PRMT8: variants seen among roughly 807,000 people sequenced by gnomAD.
The protein encoded by PRMT8 is protein arginine N-methyltransferase 8.
In PRMT8, 7 loss-of-function variants were observed where a neutral mutation model predicts 47.1. That is an observed-to-expected ratio of 0.15 (90% CI 0.08 to 0.28). The LOEUF (loss-of-function observed/expected upper bound fraction) is 0.28, where lower values mean the gene tolerates loss of function less well. Among genes scored for constraint, PRMT8 ranks in the 10% least tolerant of loss-of-function variants. The pLI is 1.00. For missense variants in PRMT8, 237 were observed against 505.4 expected (o/e 0.47, Z 5.09); for synonymous variants, 188 against 186.5 (o/e 1.01, Z -0.07).
chr12:3,535,168 C>T lies in PRMT8; in HGVS notation c.76-5438C>T, dbSNP rs149768740. On this transcript the variant is annotated intron_variant, in intron 1 of 9. Transcript: ENST00000382622. The surrounding 1 kb of genome is among the most constrained non-coding windows in gnomAD (Gnocchi z 4.7). Reference sequence around the variant, plus strand: ...GACCCACCCTTCAAGGACGAGCTCACAAGCTCACATGCCCCTTCTTCAGGA... The same window carrying T: ...GACCCACCCTTCAAGGACGAGCTCATAAGCTCACATGCCCCTTCTTCAGGA... 9.5e-4 allele frequency among the ~76,000 whole-genome samples: 145 copies of T among 152,318 alleles called. No individual in the cohort carries two copies. The highest frequency in any genetic ancestry group is 3.4e-3 in the African/African-American group (142 of 41,562).
At chr12:3,458,677 T>A (rs1865002708) in intron 1 of PRMT8, among the ~76,000 whole-genome samples, 1 of 152,216 alleles carries the variant, frequency 6.6e-6, no homozygotes, top group South Asian at 2.1e-4. Flanking sequence ...TGACCTTTCT[T>A]AATGAAATCA....
intron 1 of PRMT8, among the ~76,000 whole-genome samples, chr12:3,404,913 T>C (rs936460129): frequency 1.8e-4 from 27 of 152,220 alleles, no homozygotes; most frequent in Non-Finnish European, 1.0e-4. Context: ...TCCTGAGTAA[T>C]GTTTTTGCCT....
chr12:3,590,597 T>G (rs540249935), intron 8 of PRMT8, among the ~76,000 whole-genome samples: 23 of 151,514 alleles, frequency 1.5e-4, no homozygotes, highest in Admixed American at 7.2e-4. Context: ...GACCCTTATC[T>G]TATCCCCAAG....
chr12:3,498,108 T>C (rs562506712), intron 1 of PRMT8, among the ~76,000 whole-genome samples: 2 of 152,364 alleles, frequency 1.3e-5, no homozygotes, highest in South Asian at 2.1e-4. Flanking sequence ...TCTGACCTTC[T>C]TGTAGAACTT....
intron 7 of PRMT8, among the ~76,000 whole-genome samples, chr12:3,578,842 G>A (rs1362659615): frequency 1.3e-5 from 2 of 152,130 alleles, no homozygotes; most frequent in East Asian, 3.9e-4. Flanking sequence ...TCCTCACAGG[G>A]CAAATAAACC....
In PRMT8 at chr12:3,492,087, A is replaced by G. The variant is rs1865423849; in HGVS notation, c.75+387A>G. 6.6e-6 allele frequency among the ~76,000 whole-genome samples: 1 copy of G among 151,746 alleles called. No individual in the cohort carries two copies. The highest frequency in any genetic ancestry group is 1.5e-5 in the Non-Finnish European group (1 of 67,904). Reference sequence around the variant, plus strand: ...GGGCTCCCGGGTCCCGGCTTTGTGCAGAGCTGGGGTGGGTAATCCTGGGGC... The same window carrying G: ...GGGCTCCCGGGTCCCGGCTTTGTGCGGAGCTGGGGTGGGTAATCCTGGGGC... On this transcript the variant is annotated intron_variant, in intron 1 of 9. Coordinates refer to ENST00000382622, the MANE Select transcript of PRMT8 (RefSeq NM_019854.5). The surrounding 1 kb of genome is among the most constrained non-coding windows in gnomAD (Gnocchi z 7.5).
chr12:3,540,897 T>G (rs1866216446), intron 2 of PRMT8, 106 bp downstream of exon 2: 1 of 1,296,072 alleles, frequency 7.7e-7, no homozygotes, highest in Non-Finnish European at 1.1e-6. Context: ...GTAAAGGGAG[T>G]GCTCCCAGTG....
intron 4 of PRMT8, among the ~76,000 whole-genome samples, chr12:3,554,410 G>A (rs1013232936): frequency 1.3e-5 from 2 of 152,216 alleles, no homozygotes; most frequent in Admixed American, 6.5e-5. Context: ...GCTCAGTGCT[G>A]GGGAGAACAT....
chr12:3,397,290 C>T (rs1338330952), intron 1 of PRMT8, among the ~76,000 whole-genome samples: 3 of 151,836 alleles, frequency 2.0e-5, no homozygotes, highest in Admixed American at 6.5e-5. Flanking sequence ...AGGTGCTCTG[C>T]GTTTTAGAGT....
chr12:3,491,431 G>A lies in PRMT8; in HGVS notation c.-195G>A. ...GTGTGAAGGAATCCGGAGCAGATGA[G>A]AAGGGAGGAAAATAAAAGAAAGTGG... On this transcript the variant is annotated 5_prime_UTR_variant, in exon 1 of 10. Transcript: ENST00000382622. 2 of 1,376,176 alleles carry A rather than the reference G, an allele frequency of 1.5e-6. No homozygotes were observed. The highest frequency in any genetic ancestry group is 1.9e-6 in the Non-Finnish European group (2 of 1,065,502). 85.2% of individuals were successfully genotyped at this position (1,376,176 alleles called of 1,614,324 possible).
intron 1 of PRMT8, among the ~76,000 whole-genome samples, chr12:3,440,190 G>A (rs1454397691): frequency 6.6e-6 from 1 of 152,206 alleles, no homozygotes; most frequent in Admixed American, 6.5e-5. Flanking sequence ...GCCGGGCGTG[G>A]TGGCTCACGC....
intron 1 of PRMT8, among the ~76,000 whole-genome samples, chr12:3,469,904 C>T (rs533477028): frequency 7.9e-5 from 12 of 152,216 alleles, no homozygotes; most frequent in East Asian, 3.9e-4. Flanking sequence ...AGTGCCACCC[C>T]GCAGACACAC....
chr12:3,494,005 A>T (rs1252648027), intron 1 of PRMT8, among the ~76,000 whole-genome samples: 2 of 152,194 alleles, frequency 1.3e-5, no homozygotes, highest in African/African-American at 4.8e-5. Flanking sequence ...CCCTCCAGGA[A>T]CTGGCTGTTT....
chr12:3,419,826 G>T (rs11837873), intron 1 of PRMT8, among the ~76,000 whole-genome samples: 3,408 of 151,874 alleles, frequency 0.022, 133 homozygotes, highest in African/African-American at 0.078. Context: ...CTCCTGGCTT[G>T]TCCAGGGCAT....
At position 3,593,396 on chromosome 12, in the gene PRMT8, G is replaced by A. The variant is rs1039353658; in HGVS notation, c.*214G>A. 1.7e-5 allele frequency: 9 copies of A among 544,590 alleles called. No individual in the cohort carries two copies. Among genetic ancestry groups the A allele is most frequent in the Admixed American group, 3.7e-5 (1 of 27,254 alleles). The allele number at this position is 544,590 out of a possible 1,614,324, so 33.7% of individuals were successfully genotyped here. A position where few individuals can be genotyped will look rare whatever the true frequency, so the allele number is the denominator to read the frequency against. ...CCGCTCTGCCCTGGTAGCCCTTCAC[G>A]AAGGCTTTGTGTTGCCAACAAAGAG... is the stretch of plus-strand genomic sequence containing the variant. On this transcript the variant is annotated 3_prime_UTR_variant, in exon 10 of 10. Coordinates refer to ENST00000382622, the MANE Select transcript of PRMT8 (RefSeq NM_019854.5). This position sits in a 1 kb window ranked among gnomAD's most constrained non-coding sequence, Gnocchi z 4.8.
Position 3,593,287 on chromosome 12 carries a change from GA to G in PRMT8, c.*106del. On this transcript the variant is annotated 3_prime_UTR_variant, in exon 10 of 10. Coordinates refer to ENST00000382622, the MANE Select transcript of PRMT8 (RefSeq NM_019854.5). This position sits in a 1 kb window ranked among gnomAD's most constrained non-coding sequence, Gnocchi z 4.8. ...TGCAGGACTACACACTTGAAAACCA[GA>G]GTTTTCAACTCTGCCTTGAAGATTG... 1 of 985,306 alleles carries G rather than the reference GA, an allele frequency of 1.0e-6. No individual in the cohort carries two copies. The highest frequency in any genetic ancestry group is 1.5e-6 in the Non-Finnish European group (1 of 657,722). 61.0% of individuals were successfully genotyped at this position (985,306 alleles called of 1,614,324 possible).
chr12:3,444,604 T>C (rs778090504), intron 1 of PRMT8, among the ~76,000 whole-genome samples: 1 of 152,230 alleles, frequency 6.6e-6, no homozygotes, highest in East Asian at 1.9e-4. Context: ...GTCAAGTCTA[T>C]ATGACAGGTG....
intron 5 of PRMT8, 130 bp downstream of exon 5, chr12:3,568,978 C>T (rs371319263): frequency 7.1e-6 from 9 of 1,267,240 alleles, no homozygotes; most frequent in African/African-American, 1.5e-5. Context: ...GCCCCAAGCC[C>T]CTCTCTCTAG....
chr12:3,544,647 C>T (rs1420567838), intron 2 of PRMT8, among the ~76,000 whole-genome samples: 1 of 152,156 alleles, frequency 6.6e-6, no homozygotes, highest in East Asian at 1.9e-4. Flanking sequence ...CGCTGCCTGG[C>T]AGGATATTAA....
Sources: gnomAD v4.1 joint callset for allele counts (sites outside exome capture counted in the v4.1 genomes callset) on GRCh38, gnomAD v4.1.1 for gene constraint, Gnocchi (gnomAD v3.1) non-coding constraint, MANE v1.5 for transcripts, NCBI Gene and HGNC (gene_info 2026-07-23, HGNC 2026-07-21) for gene names.